BCLAF3: variants seen among roughly 807,000 people sequenced by gnomAD.
BCLAF3 encodes BCLAF1 and THRAP3 family member 3, also known as transient octamer binding factor 1.
BCLAF3 carries 24 observed loss-of-function variants against 51.2 expected under a neutral mutation model. The observed-to-expected ratio is 0.47, with a 90% CI of 0.34 to 0.66. The LOEUF (loss-of-function observed/expected upper bound fraction) is 0.66, where lower values mean the gene tolerates loss of function less well. Ranked by LOEUF, BCLAF3 falls within the 30% of genes least tolerant of loss-of-function variation. The pLI is 0.01. For synonymous variants in BCLAF3, 152 were observed against 176.6 expected, an observed-to-expected ratio of 0.86 and a Z score of 1.10; for missense variants, 465 against 525.1, an observed-to-expected ratio of 0.89 and a Z score of 1.12.
intron 1 of BCLAF3, among the ~76,000 whole-genome samples, chrX:19,982,545 A>G (rs1326162514): frequency 3.3e-5 from 3 of 89,901 alleles, no homozygotes; most frequent in Non-Finnish European, 6.1e-5. Flanking sequence ...ACATAGATGC[A>G]ATTTCACACA....
At position 19,913,448 on chromosome X, in the gene BCLAF3, T is replaced by C. The variant is rs1478951743; in HGVS notation, c.*3857A>G. ...TTAGGCATTAAATTGAAGGGGCTGC[T>C]GAACTTCAGATAAATGTTTCTTCAT... On this transcript the variant is annotated 3_prime_UTR_variant, in exon 12 of 12. Transcript: ENST00000379682. 8.9e-6 allele frequency: 1 copy of C among 112,821 alleles called. No individual in the cohort carries two copies. Among genetic ancestry groups the C allele is most frequent in the African/African-American group, 3.2e-5 (1 of 31,094 alleles). 9.3% of individuals were successfully genotyped at this position (112,821 alleles called of 1,213,427 possible).
intron 1 of BCLAF3, among the ~76,000 whole-genome samples, chrX:19,972,225 T>C (rs1044813485): frequency 7.1e-5 from 8 of 112,423 alleles, no homozygotes; most frequent in Admixed American, 6.6e-4. Flanking sequence ...ACCAATTATT[T>C]GCCAGACACT....
chrX:19,947,617 C>T (rs945174217), intron 8 of BCLAF3, among the ~76,000 whole-genome samples: 2 of 111,680 alleles, frequency 1.8e-5, no homozygotes, highest in Non-Finnish European at 3.8e-5. Context: ...AGACAGAACC[C>T]CCAAGTGTTA....
intron 11 of BCLAF3, among the ~76,000 whole-genome samples, chrX:19,928,006 G>A (rs1226482100): frequency 9.4e-6 from 1 of 106,118 alleles, no homozygotes; most frequent in Non-Finnish European, 1.9e-5. Flanking sequence ...CTTCCAAGTA[G>A]CTGGGACTAC....
At chrX:19,982,051 T>C (rs1376703508) in intron 1 of BCLAF3, among the ~76,000 whole-genome samples, 2 of 111,951 alleles carry the variant, frequency 1.8e-5, no homozygotes, top group Non-Finnish European at 3.8e-5. Context: ...ACAAAGCTGT[T>C]ACAGAAAAAA....
At chrX:19,926,393 T>C (rs112907421) in intron 11 of BCLAF3, among the ~76,000 whole-genome samples, 4 of 111,552 alleles carry the variant, frequency 3.6e-5, no homozygotes, top group African/African-American at 9.8e-5. Flanking sequence ...TCTTATGTCC[T>C]ATGATGAAGG....
rs187492757 is a variant in BCLAF3 at position 19,926,647 on chromosome X, G to C, written c.2106+3138C>G. 2.1e-3 allele frequency among the ~76,000 whole-genome samples: 239 copies of C among 111,582 alleles called. 1 individual carries two copies. The highest frequency in any genetic ancestry group is 6.9e-3 in the African/African-American group (214 of 30,793). ...AAGCTAAAACTCCAAGTTTAGCACA[G>C]AGCTAACAGAAGACAAACAGAAGAC... On this transcript the variant is annotated intron_variant, in intron 11 of 11. Transcript: ENST00000379682.
At chrX:19,964,186 C>T (rs186207836) in intron 4 of BCLAF3, among the ~76,000 whole-genome samples, 2 of 111,436 alleles carry the variant, frequency 1.8e-5, no homozygotes, top group African/African-American at 6.5e-5. Context: ...AACATGGCCC[C>T]CCCCTTTTTC....
At chrX:19,962,476 C>T (rs965051302) in intron 4 of BCLAF3, among the ~76,000 whole-genome samples, 4 of 112,316 alleles carry the variant, frequency 3.6e-5, no homozygotes, top group African/African-American at 6.5e-5. Context: ...AGCCATTGCA[C>T]CTGGCCACAT....
chrX:19,919,245 T>A (rs1225269755), intron 11 of BCLAF3, among the ~76,000 whole-genome samples: 1 of 112,276 alleles, frequency 8.9e-6, no homozygotes, highest in South Asian at 3.7e-4. Context: ...TGGAAGTACT[T>A]AGCATGTATC....
At chrX:19,954,119 C>T in intron 5 of BCLAF3, 1 of 754,095 alleles carries the variant, frequency 1.3e-6, no homozygotes, top group African/African-American at 2.3e-5. Context: ...AATTTTCTTT[C>T]TATCTGACAC....
intron 8 of BCLAF3, among the ~76,000 whole-genome samples, chrX:19,947,485 C>T (rs1054723973): frequency 3.6e-5 from 4 of 110,511 alleles, no homozygotes; most frequent in African/African-American, 1.3e-4. Context: ...AAATCCAGAC[C>T]GTCCCCAACT....
chrX:19,977,047 T>C (rs905065490), intron 1 of BCLAF3, among the ~76,000 whole-genome samples: 2 of 111,931 alleles, frequency 1.8e-5, no homozygotes, highest in Non-Finnish European at 3.8e-5. Context: ...CCATGAACCA[T>C]GCCCTTATAA....
intron 5 of BCLAF3, among the ~76,000 whole-genome samples, chrX:19,954,712 T>C (rs922708541): frequency 8.9e-6 from 1 of 112,107 alleles, no homozygotes; most frequent in Non-Finnish European, 1.9e-5. Flanking sequence ...AATGCAATTG[T>C]CTAGTAGGAA....
intron 1 of BCLAF3, among the ~76,000 whole-genome samples, chrX:19,986,246 G>T (rs1327738629): frequency 9.0e-6 from 1 of 111,351 alleles, no homozygotes; most frequent in East Asian, 2.8e-4. Flanking sequence ...GAAAAGTACA[G>T]ATCACTAAAA....
chrX:19,957,621 C>T (rs1303408367), intron 4 of BCLAF3, among the ~76,000 whole-genome samples: 1 of 111,020 alleles, frequency 9.0e-6, no homozygotes, highest in Non-Finnish European at 1.9e-5. Flanking sequence ...AACTCTTGTC[C>T]CCACTCCATG....
intron 9 of BCLAF3, among the ~76,000 whole-genome samples, chrX:19,936,134 G>A (rs1184521787): frequency 9.0e-6 from 1 of 111,674 alleles, no homozygotes; most frequent in African/African-American, 3.3e-5. Context: ...ATTTACGCCT[G>A]TAACAAGTAT....
chrX:19,928,249 T>C (rs2147729602), intron 11 of BCLAF3, among the ~76,000 whole-genome samples: 1 of 110,634 alleles, frequency 9.0e-6, no homozygotes, highest in South Asian at 3.9e-4. Context: ...TAAAAGAGTA[T>C]GCAATTCCAA....
intron 4 of BCLAF3, among the ~76,000 whole-genome samples, chrX:19,963,320 C>T (rs2071929612): frequency 9.3e-6 from 1 of 107,487 alleles, no homozygotes. Context: ...GCTGGGATTA[C>T]AGGCATGAGC....
Sources: gnomAD v4.1 joint callset for allele counts (sites outside exome capture counted in the v4.1 genomes callset) on GRCh38, gnomAD v4.1.1 for gene constraint, MANE v1.5 for transcripts, NCBI Gene and HGNC (gene_info 2026-07-23, HGNC 2026-07-21) for gene names.